The following LINGO2 variants were observed in gnomAD, a reference collection of about 807,000 sequenced individuals.
The protein encoded by LINGO2 is leucine rich repeat and Ig domain containing 2.
Under a neutral mutation model 30.6 loss-of-function variants are expected in LINGO2, and 14 were observed. The ratio of observed to expected loss-of-function variants is 0.46; its 90% CI spans 0.30 to 0.72. The LOEUF is 0.72. Ranked by LOEUF, LINGO2 falls within the 30% of genes least tolerant of loss-of-function variation. LINGO2 has a pLI of 0.07. For synonymous variants in LINGO2, 317 were observed against 288.5 expected (o/e 1.10, Z -1.00); for missense variants, 729 against 751.7 (o/e 0.97, Z 0.35).
intron 2 of LINGO2, among the ~76,000 whole-genome samples, chr9:28,414,063 C>A (rs1437467378): frequency 6.6e-6 from 1 of 152,116 alleles, no homozygotes; most frequent in Non-Finnish European, 1.5e-5. Context: ...AAAGCAGCAG[C>A]TTGTTTTTTA....
chr9:28,387,999 T>C (rs990131724), intron 2 of LINGO2, among the ~76,000 whole-genome samples: 1 of 152,170 alleles, frequency 6.6e-6, no homozygotes, highest in African/African-American at 2.4e-5. Flanking sequence ...GGACACAGCA[T>C]GCCGATCACT....
chr9:27,978,752 C>T lies in LINGO2; in HGVS notation c.-35-28046G>A, dbSNP rs144487032. Reference sequence around the variant, plus strand: ...TCTATACTTGCCTTTAATATAGAATCCAGCACCAAGGCCTAAGACACCACT... The same window carrying T: ...TCTATACTTGCCTTTAATATAGAATTCAGCACCAAGGCCTAAGACACCACT... On this transcript the variant is annotated intron_variant, in intron 5 of 5. Coordinates refer to ENST00000379992, the Ensembl canonical transcript of LINGO2. Among the ~76,000 whole-genome samples, 15 of 152,042 alleles carry T rather than the reference C, an allele frequency of 9.9e-5. No homozygotes were observed. In the East Asian group the frequency reaches 2.9e-3, roughly 30 times the overall value.
intron 4 of LINGO2, among the ~76,000 whole-genome samples, chr9:28,067,426 A>T (rs565561437): frequency 2.7e-4 from 41 of 152,300 alleles, no homozygotes; most frequent in African/African-American, 9.9e-4. Flanking sequence ...AAATAAAAAC[A>T]ATTATATTTA....
chr9:28,781,937 A>G, the LINGO2 span, among the ~76,000 whole-genome samples: 1 of 152,204 alleles, frequency 6.6e-6, no homozygotes, highest in Non-Finnish European at 1.5e-5. Flanking sequence ...TGATTGCTAT[A>G]CATTTTTAAA....
chr9:28,103,402 G>A (rs1826473944), intron 4 of LINGO2, among the ~76,000 whole-genome samples: 1 of 152,158 alleles, frequency 6.6e-6, no homozygotes, highest in Non-Finnish European at 1.5e-5. Flanking sequence ...TTGGAAGTGA[G>A]ATGATGCAAC....
At chr9:28,658,732 TG>T (rs200242622) in intron 1 of LINGO2, among the ~76,000 whole-genome samples, 1 of 152,114 alleles carries the variant, frequency 6.6e-6, no homozygotes, top group Non-Finnish European at 1.5e-5. Flanking sequence ...GTGTTTGTTT[TG>T]TTTTGTTTTG....
the LINGO2 span, among the ~76,000 whole-genome samples, chr9:29,080,716 A>G: frequency 6.6e-6 from 1 of 152,126 alleles, no homozygotes; most frequent in African/African-American, 2.4e-5. Context: ...GTAGTCATTC[A>G]GGAGCAGGTT....
chr9:29,196,569 T>C, the LINGO2 span, among the ~76,000 whole-genome samples: 1 of 152,038 alleles, frequency 6.6e-6, no homozygotes, highest in Non-Finnish European at 1.5e-5. Context: ...GTTATATTGA[T>C]AGACAACCTT....
At chr9:28,089,448 C>A (rs1399430777) in intron 4 of LINGO2, among the ~76,000 whole-genome samples, 1 of 152,148 alleles carries the variant, frequency 6.6e-6, no homozygotes, top group Non-Finnish European at 1.5e-5. Context: ...AACTGAACAA[C>A]CTGCTCCTGA....
At chr9:28,241,353 G>C (rs1821790806) in intron 4 of LINGO2, among the ~76,000 whole-genome samples, 1 of 151,442 alleles carries the variant, frequency 6.6e-6, no homozygotes, top group South Asian at 2.1e-4. Flanking sequence ...ACTAGAAGCA[G>C]TGGCAATCAG....
At chr9:28,017,430 C>T (rs893074704) in intron 4 of LINGO2, among the ~76,000 whole-genome samples, 21 of 152,110 alleles carry the variant, frequency 1.4e-4, no homozygotes, top group African/African-American at 5.1e-4. Context: ...GACCGTATTC[C>T]TAGAAAATCC....
chr9:28,410,325 C>G lies in LINGO2; in HGVS notation c.-278-37457G>C, dbSNP rs564924088. Among the ~76,000 whole-genome samples the G allele has an allele frequency of 1.2e-4, 19 of 152,174 alleles. No individual in the cohort carries two copies. The East Asian group carries it at 3.7e-3, about 29-fold the overall frequency. ...TTTACATGAACTACTCAGAGTTGAA[C>G]AGTTGTTTACTTTATGTGGGTTTTC... On this transcript the variant is annotated intron_variant, in intron 2 of 5. Transcript: ENST00000379992.
intron 4 of LINGO2, among the ~76,000 whole-genome samples, chr9:28,073,084 C>T (rs1825526653): frequency 6.6e-6 from 1 of 151,856 alleles, no homozygotes; most frequent in Non-Finnish European, 1.5e-5. Context: ...CTGACCTGGA[C>T]CTCAGTTAGA....
At chr9:29,196,948 G>A in the LINGO2 span, among the ~76,000 whole-genome samples, 1 of 151,956 alleles carries the variant, frequency 6.6e-6, no homozygotes, top group Non-Finnish European at 1.5e-5. Flanking sequence ...ACCAAGATAT[G>A]TGAGGTATTC....
intron 4 of LINGO2, among the ~76,000 whole-genome samples, chr9:28,141,873 T>C (rs558861115): frequency 8.5e-5 from 13 of 152,196 alleles, no homozygotes; most frequent in African/African-American, 2.4e-4. Context: ...GATCGCGCCA[T>C]TGCACTCCAG....
chr9:28,172,611 C>T (rs1828635231), intron 4 of LINGO2, among the ~76,000 whole-genome samples: 1 of 152,128 alleles, frequency 6.6e-6, no homozygotes, highest in African/African-American at 2.4e-5. Context: ...TAAATTTACA[C>T]ATGAAGAAGT....
the LINGO2 span, among the ~76,000 whole-genome samples, chr9:28,910,805 T>TA: frequency 6.6e-6 from 1 of 151,986 alleles, no homozygotes; most frequent in African/African-American, 2.4e-5. Flanking sequence ...TTTATAGCAG[T>TA]ATGAGAATGA....
intron 1 of LINGO2, among the ~76,000 whole-genome samples, chr9:28,482,354 T>G (rs1052986649): frequency 2.3e-4 from 35 of 152,178 alleles, no homozygotes; most frequent in Admixed American, 1.4e-3. Flanking sequence ...TGGTTTTGAT[T>G]TGCATTTCTC....
the LINGO2 span, among the ~76,000 whole-genome samples, chr9:28,808,222 T>C: frequency 6.6e-6 from 1 of 152,188 alleles, no homozygotes; most frequent in Non-Finnish European, 1.5e-5. Context: ...AATCCTGCCA[T>C]GAATCCTTAG....
Sources: gnomAD v4.1 joint callset for allele counts (sites outside exome capture counted in the v4.1 genomes callset) on GRCh38, gnomAD v4.1.1 for gene constraint, MANE v1.5 for transcripts, NCBI Gene and HGNC (gene_info 2026-07-23, HGNC 2026-07-21) for gene names.